CCDC180: variants seen among roughly 807,000 people sequenced by gnomAD.
The protein encoded by CCDC180 is coiled-coil domain-containing protein 180.
Under a neutral mutation model 209.2 loss-of-function variants are expected in CCDC180, and 154 were observed. That is an observed-to-expected ratio of 0.74 (90% CI 0.65 to 0.84). The LOEUF (loss-of-function observed/expected upper bound fraction) is 0.84. Ranked by LOEUF, CCDC180 falls within the 40% of genes least tolerant of loss-of-function variation. CCDC180 has a pLI of 0.00. For synonymous variants in CCDC180, 778 were observed against 749.1 expected (o/e 1.04, Z -0.63); for missense variants, 1,874 against 1,997.3 (o/e 0.94, Z 1.18).
intron 28 of CCDC180, chr9:97,363,780 C>T: frequency 1.8e-6 from 1 of 551,814 alleles, no homozygotes; most frequent in Non-Finnish European, 3.5e-6. Context: ...ATGCAAATTT[C>T]TGGGCCTGAG....
intron 33 of CCDC180, 134 bp downstream of exon 33, chr9:97,370,912 G>T: frequency 3.0e-6 from 2 of 672,416 alleles, no homozygotes; most frequent in South Asian, 2.7e-5. Context: ...GGGTTTTGTA[G>T]GTAAAAATGG....
At chr9:97,371,451 G>A in intron 33 of CCDC180, 144 bp from the exon 34 acceptor site, 1 of 493,940 alleles carries the variant, frequency 2.0e-6, no homozygotes, top group East Asian at 2.8e-5. Context: ...CCTGGCTGAG[G>A]GCCAGATGCT....
At chr9:97,372,018 A>G (rs1827114522) in intron 34 of CCDC180, 1 of 198,710 alleles carries the variant, frequency 5.0e-6, no homozygotes, top group Middle Eastern at 1.8e-3. Flanking sequence ...TGTAGCCAAA[A>G]AAATCCCGAA....
intron 25 of CCDC180, among the ~76,000 whole-genome samples, chr9:97,359,756 C>G (rs1826695722): frequency 6.6e-6 from 1 of 152,058 alleles, no homozygotes; most frequent in Non-Finnish European, 1.5e-5. Flanking sequence ...TCCTGATGTT[C>G]CCATCAGTGA....
At chr9:97,365,599 CTGTTCATGTGGTTT>C in intron 29 of CCDC180, 60 bp from the exon 30 acceptor site, 1 of 1,374,346 alleles carries the variant, frequency 7.3e-7, no homozygotes, top group Non-Finnish European at 1.0e-6. Context: ...TTGGAAAGTT[CTGTTCATGTGGTTT>C]TGTCCATGTT....
Position 97,327,984 on chromosome 9 carries a change from A to G in CCDC180, c.1662-36A>G, listed in dbSNP as rs139196507. On this transcript the variant is annotated intron_variant, in intron 15 of 36. Coordinates refer to ENST00000529487, the MANE Select transcript of CCDC180 (RefSeq NM_020893.6). ...CCTTGGGGTCAGGGGTGTGGTTCCTAGCTGGGGTCTCCTGTCTTACCTACC... is the reference window on the plus strand; with the variant it reads ...CCTTGGGGTCAGGGGTGTGGTTCCTGGCTGGGGTCTCCTGTCTTACCTACC... The G allele has an allele frequency of 1.5e-5, 24 of 1,599,022 alleles. No individual in the cohort carries two copies. The East Asian group carries it at 5.4e-4, about 36-fold the overall frequency.
chr9:97,308,255 G>T, intron 2 of CCDC180, 123 bp downstream of exon 2: 1 of 836,880 alleles, frequency 1.2e-6, no homozygotes, highest in East Asian at 3.1e-5. Flanking sequence ...AAATTACTTT[G>T]ATTTTAAAAA....
At chr9:97,356,266 G>A (rs986280292) in intron 24 of CCDC180, among the ~76,000 whole-genome samples, 5 of 151,746 alleles carry the variant, frequency 3.3e-5, no homozygotes, top group Non-Finnish European at 5.9e-5. Context: ...AGGACAAGCC[G>A]AGGTGAGGAC....
Position 97,317,187 on chromosome 9 carries a change from C to G in CCDC180, c.918C>G (p.Thr306=). Residue 306 remains threonine (T), a synonymous_variant, in exon 9 of 37, where the codon ACC becomes ACG. Coordinates refer to ENST00000529487, the MANE Select transcript of CCDC180 (RefSeq NM_020893.6). ...SRHRWQGLVD[T]WKALKKEALL... ...ACCGCTGGCAAGGCTTGGTGGACAC[C>G]TGGAAGGCTCTCAAGAAGGAGGCCC... 6.2e-7 allele frequency: 1 copy of G among 1,609,758 alleles called. No individual in the cohort carries two copies. The highest frequency in any genetic ancestry group is 1.1e-5 in the South Asian group (1 of 90,906).
At chr9:97,315,325 T>C (rs1833132365) in intron 8 of CCDC180, among the ~76,000 whole-genome samples, 1 of 152,076 alleles carries the variant, frequency 6.6e-6, no homozygotes, top group Non-Finnish European at 1.5e-5. Flanking sequence ...TACGGTGGTC[T>C]CAGGGTGGTT....
At chr9:97,371,186 G>A (rs572159182) in intron 33 of CCDC180, 6 of 163,714 alleles carry the variant, frequency 3.7e-5, no homozygotes, top group East Asian at 1.7e-4. Flanking sequence ...GGATGGTCTC[G>A]ATCTCCTGAC....
rs1826282664 is a variant in CCDC180 at position 97,347,192 on chromosome 9, T to C, written c.2499-122T>C. ...GGTCCATTTACACAATGAAATGCAA[T>C]GTAGCTGGGAAATGAAATGAAGAAT... On this transcript the variant is annotated intron_variant, in intron 19 of 36. Transcript: ENST00000529487. 4 of 908,766 alleles carry C rather than the reference T, an allele frequency of 4.4e-6. No homozygotes were observed. In the East Asian group the frequency reaches 8.0e-5, roughly 18 times the overall value. The allele number at this position is 908,766 out of a possible 1,614,324, so 56.3% of individuals were successfully genotyped here.
intron 11 of CCDC180, among the ~76,000 whole-genome samples, chr9:97,321,442 A>G (rs892772020): frequency 5.9e-5 from 9 of 152,216 alleles, no homozygotes; most frequent in Admixed American, 5.9e-4. Flanking sequence ...GAGGTGAAGT[A>G]TCCTGCCCAA....
In CCDC180 at chr9:97,313,320, A is replaced by G. The variant is rs1564145471; in HGVS notation, c.434A>G (p.Gln145Arg). ...KSYESALASF[Q>R]EEIAQVGKEM... ...TACGAGAGCGCTCTGGCCAGCTTTC[A>G]GGAGGAGATTGCGCAGGTGGGAAAG... is the stretch of plus-strand genomic sequence containing the variant. Residue 145 changes from glutamine to arginine, a missense_variant, in exon 5 of 37, where the codon CAG becomes CGG. Coordinates refer to ENST00000529487, the MANE Select transcript of CCDC180 (RefSeq NM_020893.6). 2.5e-6 allele frequency: 4 copies of G among 1,611,566 alleles called. No homozygotes were observed. In the Admixed American group the frequency reaches 5.0e-5, roughly 20 times the overall value.
chr9:97,330,635 G>A lies in CCDC180; in HGVS notation c.2142G>A (p.Lys714=), dbSNP rs769149744. 5 of 1,613,336 alleles carry A rather than the reference G, an allele frequency of 3.1e-6. No individual in the cohort carries two copies. The South Asian group carries it at 4.4e-5, about 14-fold the overall frequency. The change falls in exon 18 of 37, where the codon AAG becomes AAA. Residue 714 remains lysine, a synonymous_variant. Transcript: ENST00000529487. ...LNPSLNEENV[K]GQGEKKEESE... is the part of the protein sequence containing the mutation. ...CATCCCTGAATGAGGAGAATGTGAA[G>A]GGTCAAGGAGAAAAGAAGGAGGAGT...
chr9:97,327,901 A>T, intron 15 of CCDC180, 119 bp from the exon 16 acceptor site: 6 of 1,097,230 alleles, frequency 5.5e-6, no homozygotes, highest in Non-Finnish European at 7.8e-6. Flanking sequence ...CTGCTGCTAT[A>T]AAAGAGCAGC....
rs1333099740 is a variant in CCDC180 at position 97,318,480 on chromosome 9, A to G, written c.977A>G (p.Glu326Gly). ...LQSFSEFMAS[E>G]SIHTPPAVTK... ...GCCACCAGTGAGTTCATGGCCAGTG[A>G]GAGTATCCATACTCCCCCGGCTGTG... Residue 326 changes from glutamate (E) to glycine (G), a missense_variant, in exon 10 of 37, where the codon GAG becomes GGG. Transcript: ENST00000529487. 6.2e-7 allele frequency: 1 copy of G among 1,613,628 alleles called. No homozygotes were observed.
rs139216340 is a variant in CCDC180, at chr9:97,364,428, C to T, written c.3980+300C>T. On this transcript the variant is annotated intron_variant, in intron 29 of 36. Coordinates refer to ENST00000529487, the MANE Select transcript of CCDC180 (RefSeq NM_020893.6). ...TTTTGTAATTTTTTTCAGTGCTTTC[C>T]CCCATTTCTCTTTTCCTTTATTGTA... 111 of 342,082 alleles carry T rather than the reference C, an allele frequency of 3.2e-4. 1 individual carries two copies. In the East Asian group the frequency reaches 8.7e-3, roughly 27 times the overall value. 21.2% of individuals were successfully genotyped at this position (342,082 alleles called of 1,614,324 possible).
At chr9:97,347,619 A>G (rs994864781) in intron 20 of CCDC180, 130 bp downstream of exon 20, 4 of 870,442 alleles carry the variant, frequency 4.6e-6, no homozygotes, top group Admixed American at 2.8e-5. Context: ...TCATCACACC[A>G]TGGAAGATGT....
Sources: allele counts gnomAD v4.1 joint callset (sites outside exome capture counted in the v4.1 genomes callset), GRCh38; gene constraint gnomAD v4.1.1; transcripts MANE v1.5; gene names NCBI Gene and HGNC (gene_info 2026-07-23, HGNC 2026-07-21).